Variants in AKR1B10 observed in about 807,000 individuals in gnomAD.
The protein encoded by AKR1B10 is aldo-keto reductase family 1 member B10.
A neutral mutation model predicts 38.9 loss-of-function variants in AKR1B10; 39 were observed. That is an observed-to-expected ratio of 1.00 (90% CI 0.78 to 1.31). AKR1B10 has a LOEUF of 1.31. Ranked by LOEUF, AKR1B10 falls within the 50% of genes most tolerant of loss-of-function variation. The pLI, the probability that AKR1B10 is intolerant of heterozygous loss-of-function variation, is 0.00. For missense variants in AKR1B10, 361 were observed against 382.6 expected, an observed-to-expected ratio of 0.94 and a Z score of 0.47; for synonymous variants, 148 against 141.2, an observed-to-expected ratio of 1.05 and a Z score of -0.34.
rs777067047 is a variant in AKR1B10, at chr7:134,532,996, G to A, written c.352-8G>A. ...GATTCCAGTAAACTTTTCATTCTGT[G>A]TTCACAGTCTGGGGATGACCTTTTC... On this transcript the variant is annotated splice_polypyrimidine_tract_variant and splice_region_variant and intron_variant, in intron 3 of 9. Transcript: ENST00000359579. 23 of 1,598,730 alleles carry A rather than the reference G, an allele frequency of 1.4e-5. No individual in the cohort carries two copies. In the South Asian group the frequency reaches 2.6e-4, roughly 18 times the overall value.
chr7:134,534,263 A>T (rs1306610151), intron 4 of AKR1B10, among the ~76,000 whole-genome samples: 4 of 152,128 alleles, frequency 2.6e-5, no homozygotes, highest in African/African-American at 4.8e-5. Flanking sequence ...CTGGGACTAG[A>T]GGTGCATGCC....
rs573520547 is a variant in AKR1B10, at chr7:134,536,852, C to T, written c.552+80C>T. 1,406 of 1,592,876 alleles carry T rather than the reference C, an allele frequency of 8.8e-4. 11 individuals carry two copies. In the Middle Eastern group the frequency reaches 0.011, roughly 12 times the overall value. ...TGCGGGAGGAATGTTCAATGCTATG[C>T]CCTGAGTCTCATCTCAGGGGTCAGT... is the stretch of plus-strand genomic sequence containing the variant. On this transcript the variant is annotated intron_variant, in intron 5 of 9. Transcript: ENST00000359579.
At chr7:134,532,898 G>T in intron 3 of AKR1B10, 106 bp from the exon 4 acceptor site, 1 of 861,056 alleles carries the variant, frequency 1.2e-6, no homozygotes, top group Admixed American at 2.5e-5. Context: ...TGAAAAAGTG[G>T]TATGCAGATG....
rs2117551576 is a variant in AKR1B10, at chr7:134,537,115, C to T, written c.617C>T (p.Thr206Ile). The T allele has an allele frequency of 1.9e-6, 3 of 1,597,270 alleles. No homozygotes were observed. Among genetic ancestry groups the T allele is most frequent in the Middle Eastern group, 1.7e-4 (1 of 6,014 alleles). The change falls in exon 6 of 10, where the codon ACC becomes ATC. Residue 206 changes from threonine (T) to isoleucine (I), a missense_variant. Transcript: ENST00000359579. ...CAGTACTGCCACTCCAAGGGCATCA[C>T]CGTTACGGCCTACAGCCCCCTGGGC... The part of the protein sequence containing the change: ...LIQYCHSKGI[T>I]VTAYSPLGSP...
At position 134,533,049 on chromosome 7, in the gene AKR1B10, G is replaced by T; in HGVS notation, c.397G>T (p.Gly133Cys). 6.3e-7 allele frequency: 1 copy of T among 1,599,134 alleles called. No homozygotes were observed. The highest frequency in any genetic ancestry group is 8.5e-7 in the Non-Finnish European group (1 of 1,174,716). ...CAAAGATGATAAAGGTAATGCCATC[G>T]GTGGAAAAGCAACGTTCTTGGATGC... Reference protein sequence around the residue: ...FPKDDKGNAIGGKATFLDAWE... With the variant: ...FPKDDKGNAICGKATFLDAWE... Residue 133 changes from glycine (G) to cysteine (C), a missense_variant, in exon 4 of 10, where the codon GGT becomes TGT. Gly to Cys is a radical substitution (Grantham distance 159). Coordinates refer to ENST00000359579, the MANE Select transcript of AKR1B10 (RefSeq NM_020299.5).
At chr7:134,528,932 C>T (rs1489328963) in intron 1 of AKR1B10, among the ~76,000 whole-genome samples, 4 of 152,238 alleles carry the variant, frequency 2.6e-5, no homozygotes, top group Middle Eastern at 3.4e-3. Flanking sequence ...GCTGTGTTAA[C>T]GACAGCTGGC....
intron 5 of AKR1B10, 104 bp downstream of exon 5, chr7:134,536,876 G>A (rs1192683084): frequency 6.1e-5 from 97 of 1,580,624 alleles, no homozygotes; most frequent in Non-Finnish European, 8.1e-5. Flanking sequence ...TCAGGGGTCA[G>A]TGATCAGGAC....
chr7:134,539,792 C>G (rs762740570), intron 9 of AKR1B10, among the ~76,000 whole-genome samples: 15 of 152,312 alleles, frequency 9.8e-5, no homozygotes, highest in Non-Finnish European at 1.8e-4. Flanking sequence ...CATCTCTTTA[C>G]AAGCAATACT....
chr7:134,531,600 A>G (rs1246476454), intron 2 of AKR1B10, among the ~76,000 whole-genome samples: 1 of 152,216 alleles, frequency 6.6e-6, no homozygotes, highest in Non-Finnish European at 1.5e-5. Flanking sequence ...CAGAGAGCCT[A>G]CAGCTGAGGA....
At chr7:134,535,952 G>A (rs189308812) in intron 4 of AKR1B10, among the ~76,000 whole-genome samples, 4 of 152,304 alleles carry the variant, frequency 2.6e-5, no homozygotes, top group Admixed American at 6.5e-5. Flanking sequence ...GCCCAATATA[G>A]GCTAAAAATT....
Position 134,533,120 on chromosome 7 carries a change from A to G in AKR1B10, c.429+39A>G, listed in dbSNP as rs376148828. 5.6e-5 allele frequency: 84 copies of G among 1,494,970 alleles called. No individual in the cohort carries two copies. In the African/African-American group the frequency reaches 1.1e-3, roughly 20 times the overall value. The allele number at this position is 1,494,970 out of a possible 1,614,324, so 92.6% of individuals were successfully genotyped here. A position where few individuals can be genotyped will look rare whatever the true frequency, so the allele number is the denominator to read the frequency against. On this transcript the variant is annotated intron_variant, in intron 4 of 9. Transcript: ENST00000359579. ...TTCCTCTAAGTGTGCTGGGAGAGAA[A>G]TCTTCAGTTATCCATGAGATTCGCA...
In AKR1B10 at chr7:134,536,183, G is replaced by A. The variant is rs28562806; in HGVS notation, c.430-467G>A. 2.0e-5 allele frequency among the ~76,000 whole-genome samples: 3 copies of A among 152,312 alleles called. No homozygotes were observed. The East Asian group carries it at 5.8e-4, about 29-fold the overall frequency. On this transcript the variant is annotated intron_variant, in intron 4 of 9. Coordinates refer to ENST00000359579, the MANE Select transcript of AKR1B10 (RefSeq NM_020299.5). ...AAGTGAGGCTTCTCCGTATGCTGCAGCCTCTTCCTGACTAACACAGCTTGC... is the reference window on the plus strand; with the variant it reads ...AAGTGAGGCTTCTCCGTATGCTGCAACCTCTTCCTGACTAACACAGCTTGC...
At chr7:134,537,724 C>G in intron 7 of AKR1B10, 63 bp downstream of exon 7, 1 of 1,580,576 alleles carries the variant, frequency 6.3e-7, no homozygotes, top group South Asian at 1.1e-5. Context: ...TGTTTCATAT[C>G]CTGTGTTGTC....
At position 134,533,086 on chromosome 7, in the gene AKR1B10, G is replaced by A. The variant is rs1305332507; in HGVS notation, c.429+5G>A. The A allele has an allele frequency of 6.3e-7, 1 of 1,589,950 alleles. No homozygotes were observed. On this transcript the variant is annotated splice_donor_5th_base_variant and intron_variant, in intron 4 of 9. Coordinates refer to ENST00000359579, the MANE Select transcript of AKR1B10 (RefSeq NM_020299.5). ...ACGTTCTTGGATGCCTGGGAGGTAG[G>A]TTCCCAGCTTCCTCTAAGTGTGCTG...
chr7:134,539,860 G>A (rs566218779), intron 9 of AKR1B10, among the ~76,000 whole-genome samples: 15 of 152,170 alleles, frequency 9.9e-5, no homozygotes, highest in Non-Finnish European at 2.2e-4. Flanking sequence ...ATTTATTACT[G>A]CCAGATCTGT....
chr7:134,539,099 T>C, intron 9 of AKR1B10, 82 bp downstream of exon 9: 1 of 1,539,890 alleles, frequency 6.5e-7, no homozygotes, highest in Non-Finnish European at 8.9e-7. Flanking sequence ...ATTGGAAGGC[T>C]GCTGGGACTA....
At position 134,530,752 on chromosome 7, in the gene AKR1B10, T is replaced by C. The variant is rs1807830738; in HGVS notation, c.176T>C (p.Ile59Thr). The C allele has an allele frequency of 6.2e-7, 1 of 1,613,864 alleles. No homozygotes were observed. Among genetic ancestry groups the C allele is most frequent in the Non-Finnish European group, 8.5e-7 (1 of 1,179,928 alleles). Residue 59 changes from isoleucine (I) to threonine (T), a missense_variant, in exon 2 of 10, where the codon ATC becomes ACC. Ile to Thr is a moderately conservative substitution (Grantham distance 89). Around this residue, in one of 3 missense-constraint regions of AKR1B10, gnomAD observed 220 missense variants for 216.1 expected, o/e 1.02. Coordinates refer to ENST00000359579, the MANE Select transcript of AKR1B10 (RefSeq NM_020299.5). Reference sequence around the variant, plus strand: ...AATGAACATGAAGTGGGGGAAGCCATCCAAGAGAAGATCCAAGAGAAGGCT... The same window carrying C: ...AATGAACATGAAGTGGGGGAAGCCACCCAAGAGAAGATCCAAGAGAAGGCT... Reference protein sequence around the residue: ...YQNEHEVGEAIQEKIQEKAVK... With the variant: ...YQNEHEVGEATQEKIQEKAVK...
At position 134,537,129 on chromosome 7, in the gene AKR1B10, A is replaced by T. The variant is rs1431628120; in HGVS notation, c.631A>T (p.Ser211Cys). ...CAAGGGCATCACCGTTACGGCCTACAGCCCCCTGGGCTCTCCGGATAGACC... is the reference window on the plus strand; with the variant it reads ...CAAGGGCATCACCGTTACGGCCTACTGCCCCCTGGGCTCTCCGGATAGACC... The part of the protein sequence containing the change: ...HSKGITVTAY[S>C]PLGSPDRPWA... Residue 211 changes from serine (S) to cysteine (C), a missense_variant, in exon 6 of 10, where the codon AGC becomes TGC. Transcript: ENST00000359579. 6 of 1,597,484 alleles carry T rather than the reference A, an allele frequency of 3.8e-6. No homozygotes were observed. Among genetic ancestry groups the T allele is most frequent in the Non-Finnish European group, 5.1e-6 (6 of 1,171,538 alleles).
intron 9 of AKR1B10, 104 bp from the exon 10 acceptor site, chr7:134,540,943 C>A: frequency 1.2e-6 from 1 of 844,592 alleles, no homozygotes; most frequent in Non-Finnish European, 1.9e-6. Flanking sequence ...GCTAAGAGAG[C>A]ACAAATATGA....
Sources: gnomAD v4.1 joint callset for allele counts (sites outside exome capture counted in the v4.1 genomes callset) on GRCh38, gnomAD v4.1.1 for gene constraint, gnomAD v4.1.1 regional missense constraint, MANE v1.5 for transcripts, NCBI Gene and HGNC (gene_info 2026-07-23, HGNC 2026-07-21) for gene names.